The following SYTL3 variants were observed in gnomAD, a reference collection of about 807,000 sequenced individuals.
SYTL3 encodes the protein synaptotagmin like 3.
Under a neutral mutation model 82.1 loss-of-function variants are expected in SYTL3, and 88 were observed. That is an observed-to-expected ratio of 1.07 (90% CI 0.90 to 1.28). The LOEUF (loss-of-function observed/expected upper bound fraction) is 1.28, where lower values mean the gene tolerates loss of function less well. SYTL3 is among the 50% of genes most tolerant of loss of function. SYTL3 has a pLI of 0.00. For missense variants in SYTL3, 831 were observed against 757.6 expected, an observed-to-expected ratio of 1.10 and a Z score of -1.14; for synonymous variants, 311 against 289.4, an observed-to-expected ratio of 1.07 and a Z score of -0.76.
intron 12 of SYTL3, 65 bp downstream of exon 12, chr6:158,745,723 A>G: frequency 7.8e-7 from 1 of 1,285,452 alleles, no homozygotes; most frequent in South Asian, 1.5e-5. Context: ...GAAAAAGTAA[A>G]AGTCTAAGAA....
chr6:158,729,711 C>T (rs1469806397), intron 11 of SYTL3, among the ~76,000 whole-genome samples: 6 of 151,682 alleles, frequency 4.0e-5, no homozygotes, highest in East Asian at 1.9e-4. Context: ...GGACTACAGG[C>T]GCCCGCCACC....
At chr6:158,659,635 G>A (rs1435673823) in intron 2 of SYTL3, among the ~76,000 whole-genome samples, 3 of 152,196 alleles carry the variant, frequency 2.0e-5, no homozygotes, top group Admixed American at 6.5e-5. Flanking sequence ...GATTACAAGC[G>A]TGAGCCACTG....
intron 4 of SYTL3, among the ~76,000 whole-genome samples, chr6:158,664,149 C>A (rs1365465750): frequency 1.3e-5 from 2 of 152,188 alleles, no homozygotes; most frequent in Non-Finnish European, 2.9e-5. Flanking sequence ...TTTGGACAAC[C>A]AAATGCTTGA....
intron 6 of SYTL3, among the ~76,000 whole-genome samples, chr6:158,696,349 GC>G (rs1780554843): frequency 6.6e-6 from 1 of 150,746 alleles, no homozygotes; most frequent in Non-Finnish European, 1.5e-5. Context: ...ACAGGTGCAT[GC>G]CACCACGCCT....
At chr6:158,739,413 A>G (rs368009392) in intron 11 of SYTL3, among the ~76,000 whole-genome samples, 1 of 152,188 alleles carries the variant, frequency 6.6e-6, no homozygotes, top group Non-Finnish European at 1.5e-5. Flanking sequence ...TTTTTTTAAA[A>G]AATATTTTCC....
chr6:158,669,658 AGT>A (rs1459632609), intron 5 of SYTL3, among the ~76,000 whole-genome samples: 1 of 152,228 alleles, frequency 6.6e-6, no homozygotes, highest in Non-Finnish European at 1.5e-5. Context: ...GAGCTGCTTA[AGT>A]GTGTTCGGTT....
chr6:158,664,529 C>A (rs575759538), intron 4 of SYTL3, among the ~76,000 whole-genome samples: 1 of 152,228 alleles, frequency 6.6e-6, no homozygotes, highest in East Asian at 1.9e-4. Context: ...GGCAATAGAG[C>A]AAGCCTCTGT....
intron 3 of SYTL3, 50 bp from the exon 4 acceptor site, chr6:158,662,700 G>A (rs1789521961): frequency 1.3e-5 from 2 of 152,332 alleles, no homozygotes; most frequent in South Asian, 4.1e-4. Flanking sequence ...ATGCTGCAGA[G>A]ATACTTAAGC....
Position 158,725,596 on chromosome 6 carries a change from A to G in SYTL3, c.814A>G (p.Ser272Gly). 1 of 1,614,234 alleles carries G rather than the reference A, an allele frequency of 6.2e-7. No homozygotes were observed. The highest frequency in any genetic ancestry group is 8.5e-7 in the Non-Finnish European group (1 of 1,180,046). The change falls in exon 11 of 18, where the codon AGT (serine) becomes GGT (glycine). Residue 272 changes from serine (S) to glycine (G), a missense_variant. Physicochemically the swap from Ser to Gly is moderately conservative, Grantham distance 56 (BLOSUM62 0). Coordinates refer to ENST00000611299, the MANE Select transcript of SYTL3 (RefSeq NM_001242394.2). ...TTTGAAGCAACAGAATCTCCCATCC[A>G]GTCCGGCACCCAGTACCATATTCTC... Reference protein sequence around the residue: ...PILKQQNLPSSPAPSTIFSGG... With the variant: ...PILKQQNLPSGPAPSTIFSGG...
chr6:158,657,730 G>A (rs1296433654), intron 2 of SYTL3, among the ~76,000 whole-genome samples: 9 of 152,122 alleles, frequency 5.9e-5, no homozygotes, highest in African/African-American at 4.8e-5. Context: ...GTCTGCAGAC[G>A]CGGGCCATCA....
At chr6:158,687,996 C>T (rs753391390) in intron 6 of SYTL3, among the ~76,000 whole-genome samples, 1 of 152,182 alleles carries the variant, frequency 6.6e-6, no homozygotes, top group African/African-American at 2.4e-5. Flanking sequence ...TGTGTGTGCA[C>T]AGATAGACTT....
intron 2 of SYTL3, among the ~76,000 whole-genome samples, chr6:158,657,744 C>T (rs1322552287): frequency 6.6e-6 from 1 of 152,140 alleles, no homozygotes; most frequent in African/African-American, 2.4e-5. Context: ...GCCATCAATA[C>T]ATGGCATAGT....
intron 5 of SYTL3, among the ~76,000 whole-genome samples, chr6:158,669,244 T>C (rs1777096018): frequency 6.6e-6 from 1 of 152,256 alleles, no homozygotes; most frequent in Admixed American, 6.5e-5. Context: ...GAATATACTG[T>C]GTCATAACTA....
intron 11 of SYTL3, among the ~76,000 whole-genome samples, chr6:158,728,215 G>A (rs1784968093): frequency 1.3e-5 from 2 of 152,030 alleles, no homozygotes; most frequent in Admixed American, 1.3e-4. Flanking sequence ...GAAAAGTTTA[G>A]CTTTTACCTT....
At chr6:158,688,186 A>C (rs947961616) in intron 6 of SYTL3, among the ~76,000 whole-genome samples, 6 of 152,242 alleles carry the variant, frequency 3.9e-5, no homozygotes, top group African/African-American at 9.6e-5. Context: ...AGTGTCTGTG[A>C]GTATATCACT....
intron 6 of SYTL3, among the ~76,000 whole-genome samples, chr6:158,695,361 C>G (rs988394576): frequency 2.6e-5 from 4 of 151,506 alleles, no homozygotes; most frequent in African/African-American, 9.8e-5. Context: ...ATGAAGGATT[C>G]ATGTGTTCAT....
At chr6:158,648,923 TCTG>T (rs1464352019), upstream of SYTL3, among the ~76,000 whole-genome samples, 1 of 152,216 alleles carries the variant, frequency 6.6e-6, no homozygotes, top group Non-Finnish European at 1.5e-5. Flanking sequence ...TATATTTAGA[TCTG>T]CTATTGAGCT....
chr6:158,669,957 TTTG>T (rs145009799), intron 5 of SYTL3, among the ~76,000 whole-genome samples: 11 of 152,024 alleles, frequency 7.2e-5, no homozygotes, highest in South Asian at 6.2e-4. Flanking sequence ...AAAAAGGTTT[TTTG>T]TTGTTGTTGT....
chr6:158,713,199 G>A (rs1229869599), intron 8 of SYTL3, among the ~76,000 whole-genome samples: 2 of 152,054 alleles, frequency 1.3e-5, no homozygotes, highest in Non-Finnish European at 2.9e-5. Context: ...TGATTGGATG[G>A]GTGGTAATGT....
Sources: allele counts gnomAD v4.1 joint callset (sites outside exome capture counted in the v4.1 genomes callset), GRCh38; gene constraint gnomAD v4.1.1; transcripts MANE v1.5; gene names NCBI Gene and HGNC (gene_info 2026-07-23, HGNC 2026-07-21).